The following CA4 variants were observed in gnomAD, a reference collection of about 807,000 sequenced individuals.
The protein encoded by CA4 is carbonic anhydrase 4.
CA4 carries 24 observed loss-of-function variants against 34.5 expected under a neutral mutation model. The ratio of observed to expected loss-of-function variants is 0.70; its 90% CI spans 0.50 to 0.98. The LOEUF (loss-of-function observed/expected upper bound fraction) is 0.98, where lower values mean the gene tolerates loss of function less well. Ranked by LOEUF, CA4 falls within the 50% of genes least tolerant of loss-of-function variation. The pLI is 0.00. For missense variants in CA4, 394 were observed against 396.7 expected (o/e 0.99, Z 0.06); for synonymous variants, 178 against 170.6 (o/e 1.04, Z -0.34).
At chr17:60,172,881 C>T (rs572681432), downstream of CA4, among the ~76,000 whole-genome samples, 3 of 150,692 alleles carry the variant, frequency 2.0e-5, no homozygotes, top group Non-Finnish European at 2.9e-5. Context: ...CAGTGGCTCA[C>T]GCCTGTAATC....
intron 5 of CA4, 47 bp from the exon 6 acceptor site, chr17:60,158,014 C>T: frequency 6.2e-7 from 1 of 1,607,100 alleles, no homozygotes; most frequent in Non-Finnish European, 8.5e-7. Context: ...TGGCCACCAC[C>T]ACTGGCTCCC....
At chr17:60,177,865 TCTGAC>T in the CA4 span, among the ~76,000 whole-genome samples, 1 of 152,208 alleles carries the variant, frequency 6.6e-6, no homozygotes, top group African/African-American at 2.4e-5. Flanking sequence ...GGTAGTGGAA[TCTGAC>T]AATTAATGAG....
rs1050024952 is a variant in CA4, at chr17:60,155,357, C to T, written c.102C>T (p.Tyr34=). 6.2e-6 allele frequency: 10 copies of T among 1,609,872 alleles called. No individual in the cohort carries two copies. In the African/African-American group the frequency reaches 1.3e-4, roughly 22 times the overall value. ...AGGTTCAAGCCGAGTCCTCCAACTACCCCTGCTTGGGTGAGTACAGCCAGT... is the reference window on the plus strand; with the variant it reads ...AGGTTCAAGCCGAGTCCTCCAACTATCCCTGCTTGGGTGAGTACAGCCAGT... The part of the protein sequence containing the change: ...CYEVQAESSN[Y]PCLVPVKWGG... The change falls in exon 2 of 8, where the codon TAC becomes TAT. Residue 34 remains tyrosine, a synonymous_variant. Coordinates refer to ENST00000300900, the MANE Select transcript of CA4 (RefSeq NM_000717.5).
chr17:60,150,013 G>A lies in CA4; in HGVS notation c.-22G>A. The stretch of plus-strand genomic sequence containing the variant: ...CTCGGTGCGCGACCCCCGGCTCAGA[G>A]GACTCTTTGCTGTCCCGCAAGATGC... On this transcript the variant is annotated 5_prime_UTR_variant, in exon 1 of 8. Transcript: ENST00000300900. 6.3e-7 allele frequency: 1 copy of A among 1,598,990 alleles called. No individual in the cohort carries two copies. The highest frequency in any genetic ancestry group is 1.7e-4 in the Middle Eastern group (1 of 5,998).
At chr17:60,159,800 C>T (rs1033245134), downstream of CA4, among the ~76,000 whole-genome samples, 10 of 152,148 alleles carry the variant, frequency 6.6e-5, no homozygotes, top group African/African-American at 2.4e-4. Flanking sequence ...AGAGGAGTTC[C>T]AATCTGATCT....
At chr17:60,168,403 C>G (rs1486901744) in intron 5 of CA4, among the ~76,000 whole-genome samples, 4 of 6,802 alleles carry the variant, frequency 5.9e-4, no homozygotes, top group Non-Finnish European at 9.9e-4. Flanking sequence ...TTGGGGGGGG[C>G]AGGTGGGGAA....
chr17:60,166,751 A>C lies in CA4; in HGVS notation c.*179-3800A>C, dbSNP rs2083859713. On this transcript the variant is annotated intron_variant and NMD_transcript_variant, in intron 5 of 5. Transcript: ENST00000586876. Reference sequence around the variant, plus strand: ...GGGGGGCGGATCACCTGAGGTCAGGAGTTCGAGACCAGCCTGGCCACATGG... The same window carrying C: ...GGGGGGCGGATCACCTGAGGTCAGGCGTTCGAGACCAGCCTGGCCACATGG... Among the ~76,000 whole-genome samples the C allele has an allele frequency of 2.0e-5, 3 of 151,970 alleles. No individual in the cohort carries two copies. In the South Asian group the frequency reaches 6.2e-4, roughly 32 times the overall value.
At chr17:60,160,580 G>A (rs1040500066), downstream of CA4, among the ~76,000 whole-genome samples, 3 of 152,018 alleles carry the variant, frequency 2.0e-5, no homozygotes, top group Admixed American at 6.6e-5. Flanking sequence ...CCTGGCCAAC[G>A]TGGCGAAACA....
chr17:60,157,846 A>G, intron 5 of CA4, 58 bp downstream of exon 5: 1 of 1,551,184 alleles, frequency 6.4e-7, no homozygotes, highest in Non-Finnish European at 8.9e-7. Flanking sequence ...TCTTCTTAGG[A>G]TTCAGAGACC....
intron 5 of CA4, among the ~76,000 whole-genome samples, chr17:60,166,347 A>C (rs1349316646): frequency 6.6e-6 from 1 of 152,140 alleles, no homozygotes; most frequent in South Asian, 2.1e-4. Context: ...GAGCTCAGGC[A>C]ATCCTCTCTC....
chr17:60,164,535 G>A (rs966338128), downstream of CA4, among the ~76,000 whole-genome samples: 16 of 151,896 alleles, frequency 1.1e-4, no homozygotes, highest in African/African-American at 3.4e-4. Flanking sequence ...TACTACAGGC[G>A]CATGCCACCA....
At position 60,158,116 on chromosome 17, in the gene CA4, T is replaced by C. The variant is rs769378041; in HGVS notation, c.569T>C (p.Ile190Thr). The C allele has an allele frequency of 6.2e-7, 1 of 1,605,336 alleles. No homozygotes were observed. Among genetic ancestry groups the C allele is most frequent in the Non-Finnish European group, 8.5e-7 (1 of 1,176,702 alleles). ...CCACTGGTGGAGGCACTGTCTAATA[T>C]CCCCAAACCTGGTGAGTCAGGATGG... ...FQPLVEALSN[I>T]PKPEMSTTMA... Residue 190 changes from isoleucine (I) to threonine (T), a missense_variant, in exon 6 of 8, where the codon ATC becomes ACC. By Grantham distance (89) the Ile-to-Thr change is moderately conservative. Coordinates refer to ENST00000300900, the MANE Select transcript of CA4 (RefSeq NM_000717.5).
chr17:60,150,408 C>G (rs1288391897), intron 1 of CA4, among the ~76,000 whole-genome samples: 1 of 152,056 alleles, frequency 6.6e-6, no homozygotes, highest in African/African-American at 2.4e-5. Flanking sequence ...CGCGGGTGCT[C>G]CAGCCTGAAA....
In CA4 at chr17:60,159,512, G is replaced by T; in HGVS notation, c.*88G>T. 1.4e-6 allele frequency: 2 copies of T among 1,412,116 alleles called. No individual in the cohort carries two copies. The highest frequency in any genetic ancestry group is 2.0e-6 in the Non-Finnish European group (2 of 1,023,846). 87.5% of individuals were successfully genotyped at this position (1,412,116 alleles called of 1,614,324 possible). On this transcript the variant is annotated 3_prime_UTR_variant, in exon 8 of 8. Coordinates refer to ENST00000300900, the MANE Select transcript of CA4 (RefSeq NM_000717.5). ...CTTAGCCTTCCCAGGTGGGACTTTA[G>T]GCATGATTAAAATATGGACATATTT...
At chr17:60,158,860 G>C in intron 7 of CA4, 1 of 418,736 alleles carries the variant, frequency 2.4e-6, no homozygotes, top group South Asian at 2.3e-5. Context: ...CAGAGCTACT[G>C]AATCAGGAAC....
chr17:60,158,185 G>A lies in CA4; in HGVS notation c.580+58G>A, dbSNP rs553027237. 6.9e-6 allele frequency: 11 copies of A among 1,604,528 alleles called. No individual in the cohort carries two copies. In the Admixed American group the frequency reaches 1.8e-4, roughly 27 times the overall value. ...GAGGGGGGGGATTCCTCCCACAAAG[G>A]AAGGGGTGGGTGTGCGGGGAGCTGG... is the stretch of plus-strand genomic sequence containing the variant. On this transcript the variant is annotated intron_variant, in intron 6 of 7. Transcript: ENST00000300900.
chr17:60,168,864 A>G (rs1235303133), intron 5 of CA4, among the ~76,000 whole-genome samples: 4 of 152,194 alleles, frequency 2.6e-5, no homozygotes, highest in Non-Finnish European at 4.4e-5. Flanking sequence ...AGGGGGATAA[A>G]GGAGAACCAA....
downstream of CA4, among the ~76,000 whole-genome samples, chr17:60,172,824 A>G (rs1307043593): frequency 2.6e-5 from 4 of 151,356 alleles, no homozygotes; most frequent in Non-Finnish European, 4.4e-5. Context: ...AGCCTGGGCG[A>G]CAAGAGTGAA....
chr17:60,158,203 G>A lies in CA4; in HGVS notation c.580+76G>A, dbSNP rs575845538. ...CACAAAGGAAGGGGTGGGTGTGCGG[G>A]GAGCTGGGCTCTCAGAGTGCAGGGG... On this transcript the variant is annotated intron_variant, in intron 6 of 7. Coordinates refer to ENST00000300900, the MANE Select transcript of CA4 (RefSeq NM_000717.5). 3.4e-5 allele frequency: 54 copies of A among 1,605,128 alleles called. No individual in the cohort carries two copies. The African/African-American group carries it at 5.7e-4, about 17-fold the overall frequency.
Sources: allele counts gnomAD v4.1 joint callset (sites outside exome capture counted in the v4.1 genomes callset), GRCh38; gene constraint gnomAD v4.1.1; transcripts MANE v1.5; gene names NCBI Gene and HGNC (gene_info 2026-07-23, HGNC 2026-07-21).